SCO1: variants seen among roughly 807,000 people sequenced by gnomAD.
SCO1 encodes synthesis of cytochrome C oxidase 1, also known as cytochrome c oxidase assembly factor SCO1.
SCO1 carries 23 observed loss-of-function variants against 34.0 expected under a neutral mutation model. That is an observed-to-expected ratio of 0.68 (90% confidence interval 0.49 to 0.96). The LOEUF (loss-of-function observed/expected upper bound fraction) is 0.96, where lower values mean the gene tolerates loss of function less well. Ranked by LOEUF, SCO1 falls within the 40% of genes least tolerant of loss-of-function variation. SCO1 has a pLI of 0.00. For missense variants in SCO1, 404 were observed against 381.6 expected (o/e 1.06, Z -0.49); for synonymous variants, 161 against 145.5 (o/e 1.11, Z -0.77).
intron 1 of SCO1, among the ~76,000 whole-genome samples, chr17:10,696,338 G>A (rs944936161): frequency 6.6e-6 from 1 of 152,018 alleles, no homozygotes; most frequent in African/African-American, 2.4e-5. Flanking sequence ...CCAGCTACAC[G>A]GGAGGCTGAG....
Position 10,693,003 on chromosome 17 carries a change from A to G in SCO1, c.365-42T>C, listed in dbSNP as rs780229854. On this transcript the variant is annotated intron_variant, in intron 2 of 5. Transcript: ENST00000255390. Reference sequence around the variant, plus strand: ...CATATCGACACCAAAAAAAAAGTCAATTTAACCAGAGGTACTCAAATACCT... The same window carrying G: ...CATATCGACACCAAAAAAAAAGTCAGTTTAACCAGAGGTACTCAAATACCT... 4 of 1,574,846 alleles carry G rather than the reference A, an allele frequency of 2.5e-6. No individual in the cohort carries two copies. The Admixed American group carries it at 5.0e-5, about 20-fold the overall frequency.
chr17:10,693,104 T>TA, intron 2 of SCO1, 143 bp from the exon 3 acceptor site: 1 of 683,254 alleles, frequency 1.5e-6, no homozygotes, highest in Admixed American at 2.8e-5. Context: ...TTCAAGAAGC[T>TA]AAAAAAATCT....
rs2074649539 is a variant in SCO1 at position 10,685,373 on chromosome 17, TGATAG to T, written c.771+1349_771+1353del. On this transcript the variant is annotated intron_variant, in intron 5 of 5. Coordinates refer to ENST00000255390, the MANE Select transcript of SCO1 (RefSeq NM_004589.4). ...TAAAATACAACGCCGACTCTTCATA[TGATAG>T]GAGAAAAATGTCCAAATTGAGAGGA... is the stretch of plus-strand genomic sequence containing the variant. 2.0e-5 allele frequency among the ~76,000 whole-genome samples: 3 copies of T among 152,324 alleles called. No homozygotes were observed. The South Asian group carries it at 6.2e-4, about 32-fold the overall frequency.
chr17:10,676,492 T>C lies in SCO1; in HGVS notation c.*4627A>G, dbSNP rs922390920. Reference sequence around the variant, plus strand: ...GTGGGGGGGTGCAGACAAAATTAAATGGTGGTAATCACTGAAGCTTGCTGA... The same window carrying C: ...GTGGGGGGGTGCAGACAAAATTAAACGGTGGTAATCACTGAAGCTTGCTGA... On this transcript the variant is annotated 3_prime_UTR_variant, in exon 6 of 6. Coordinates refer to ENST00000255390, the MANE Select transcript of SCO1 (RefSeq NM_004589.4). 6.6e-5 allele frequency: 10 copies of C among 152,154 alleles called. No individual in the cohort carries two copies. The highest frequency in any genetic ancestry group is 2.2e-4 in the African/African-American group (9 of 41,424). 9.4% of individuals were successfully genotyped at this position (152,154 alleles called of 1,614,324 possible). A position where few individuals can be genotyped will look rare whatever the true frequency, so the allele number is the denominator to read the frequency against.
Position 10,675,365 on chromosome 17 carries a change from A to G in SCO1, c.*5754T>C, listed in dbSNP as rs2074573994. The G allele has an allele frequency of 1.3e-5, 2 of 152,396 alleles. No individual in the cohort carries two copies. Among genetic ancestry groups the G allele is most frequent in the Middle Eastern group, 3.4e-3 (1 of 294 alleles). 9.4% of individuals were successfully genotyped at this position (152,396 alleles called of 1,614,324 possible). On this transcript the variant is annotated 3_prime_UTR_variant, in exon 6 of 6. Coordinates refer to ENST00000255390, the MANE Select transcript of SCO1 (RefSeq NM_004589.4). ...GCTTTTATCTCTCTGCCCAAGCTAC[A>G]GCAAATTGCTGAGAGCTGTCCAATG...
intron 4 of SCO1, among the ~76,000 whole-genome samples, chr17:10,689,755 G>T (rs1271997997): frequency 6.6e-6 from 1 of 152,008 alleles, no homozygotes; most frequent in Admixed American, 6.5e-5. Context: ...AATAGCCAAG[G>T]CAATCTTAAG....
Position 10,679,170 on chromosome 17 carries a change from A to T in SCO1, c.*1949T>A, listed in dbSNP as rs1258759563. 1 of 152,076 alleles carries T rather than the reference A, an allele frequency of 6.6e-6. No homozygotes were observed. Among genetic ancestry groups the T allele is most frequent in the Non-Finnish European group, 1.5e-5 (1 of 68,056 alleles). The allele number at this position is 152,076 out of a possible 1,614,324, so 9.4% of individuals were successfully genotyped here. On this transcript the variant is annotated 3_prime_UTR_variant, in exon 6 of 6. Coordinates refer to ENST00000255390, the MANE Select transcript of SCO1 (RefSeq NM_004589.4). ...ACCATGTTGGCCAGGCTGGTCTCGA[A>T]CTCCTGACCTTAGGTGATCTGCACG...
chr17:10,680,667 G>A lies in SCO1; in HGVS notation c.*452C>T. On this transcript the variant is annotated 3_prime_UTR_variant, in exon 6 of 6. Transcript: ENST00000255390. ...TATTAGCCACCAAGAACTCAGAAGA[G>A]CAAAGAACTCAAGAAGAGGCAAGCA... The A allele has an allele frequency of 4.9e-6, 1 of 203,674 alleles. No individual in the cohort carries two copies. Among genetic ancestry groups the A allele is most frequent in the Middle Eastern group, 2.2e-3 (1 of 456 alleles). 12.6% of individuals were successfully genotyped at this position (203,674 alleles called of 1,614,324 possible). A position where few individuals can be genotyped will look rare whatever the true frequency, so the allele number is the denominator to read the frequency against.
chr17:10,681,759 G>C (rs183375540), intron 5 of SCO1, among the ~76,000 whole-genome samples: 16 of 152,298 alleles, frequency 1.1e-4, no homozygotes, highest in Non-Finnish European at 2.1e-4. Flanking sequence ...GAAAGAACTG[G>C]TTGTCATTCA....
Position 10,686,742 on chromosome 17 carries a change from T to C in SCO1, c.756A>G (p.Glu252=). 6.2e-7 allele frequency: 1 copy of C among 1,609,856 alleles called. No individual in the cohort carries two copies. Among genetic ancestry groups the C allele is most frequent in the Non-Finnish European group, 8.5e-7 (1 of 1,176,102 alleles). ...ATTTACTCACTATGTAGTCTTCATC[T>C]TCGTCCTTGGGGCCAGGGCTGTAAT... ...RVYYSPGPKD[E]DEDYIVDHTI... is the part of the protein sequence containing the mutation. Residue 252 remains glutamate, a synonymous_variant, in exon 5 of 6, where the codon GAA becomes GAG. Coordinates refer to ENST00000255390, the MANE Select transcript of SCO1 (RefSeq NM_004589.4).
rs2271229 is a variant in SCO1 at position 10,691,835 on chromosome 17, A to C, written c.655+37T>G. The C allele has an allele frequency of 2.6e-3, 3,568 of 1,376,432 alleles. 67 individuals are homozygous for C. The East Asian group carries it at 0.042, about 16-fold the overall frequency. The allele number at this position is 1,376,432 out of a possible 1,614,324, so 85.3% of individuals were successfully genotyped here. On this transcript the variant is annotated intron_variant, in intron 4 of 5. Transcript: ENST00000255390. ...ATGAACTGATATTCCAAAAACTTTAAGGCTAAATAAATGTAAAGTATTATT... is the reference window on the plus strand; with the variant it reads ...ATGAACTGATATTCCAAAAACTTTACGGCTAAATAAATGTAAAGTATTATT...
Position 10,695,780 on chromosome 17 carries a change from G to T in SCO1, c.325C>A (p.Leu109Met). 2 of 1,613,712 alleles carry T rather than the reference G, an allele frequency of 1.2e-6. No individual in the cohort carries two copies. Among genetic ancestry groups the T allele is most frequent in the Non-Finnish European group, 1.7e-6 (2 of 1,179,820 alleles). ...AITFAIGGAL[L>M]AGMKHVKKEK... is the part of the protein sequence containing the mutation. Reference sequence around the variant, plus strand: ...TTCTTGACGTGCTTCATTCCAGCCAGTAAAGCTCCTCCAATAGCAAATGTG... The same window carrying T: ...TTCTTGACGTGCTTCATTCCAGCCATTAAAGCTCCTCCAATAGCAAATGTG... Residue 109 changes from leucine to methionine, a missense_variant, in exon 2 of 6, where the codon CTG becomes ATG. Coordinates refer to ENST00000255390, the MANE Select transcript of SCO1 (RefSeq NM_004589.4).
At chr17:10,693,847 C>A (rs2151457532) in intron 2 of SCO1, among the ~76,000 whole-genome samples, 1 of 152,254 alleles carries the variant, frequency 6.6e-6, no homozygotes. Flanking sequence ...CAATCTGGGA[C>A]AACTTGGGCA....
intron 1 of SCO1, 23 bp from the exon 2 acceptor site, chr17:10,695,854 CAT>C (rs781727205): frequency 6.4e-7 from 1 of 1,560,708 alleles, no homozygotes; most frequent in Non-Finnish European, 8.8e-7. Context: ...GGATTTCAAA[CAT>C]AAAAATTCTA....
At position 10,695,722 on chromosome 17, in the gene SCO1, CA is replaced by C. The variant is rs778387382; in HGVS notation, c.364+18del. ...AGGAAGACCTTTATACAGGGCTGAGCAGATGATAATCTACTTACTCTCTGCC... is the reference window on the plus strand; with the variant it reads ...AGGAAGACCTTTATACAGGGCTGAGCGATGATAATCTACTTACTCTCTGCC... On this transcript the variant is annotated intron_variant, in intron 2 of 5. Transcript: ENST00000255390. 1.3e-6 allele frequency: 2 copies of C among 1,536,580 alleles called. No individual in the cohort carries two copies. Among genetic ancestry groups the C allele is most frequent in the Middle Eastern group, 1.7e-4 (1 of 5,900 alleles).
intron 4 of SCO1, among the ~76,000 whole-genome samples, chr17:10,687,325 A>T (rs190335338): frequency 1.7e-4 from 26 of 151,532 alleles, no homozygotes; most frequent in African/African-American, 6.1e-4. Flanking sequence ...CTTCTGATTT[A>T]AAAAAACTGG....
At chr17:10,692,365 A>G (rs536961116) in intron 3 of SCO1, among the ~76,000 whole-genome samples, 1 of 152,332 alleles carries the variant, frequency 6.6e-6, no homozygotes, top group Admixed American at 6.5e-5. Context: ...ATATCCTGAA[A>G]TAATTCACTG....
rs1490223476 is a variant in SCO1 at position 10,678,260 on chromosome 17, AG to A, written c.*2858del. The A allele has an allele frequency of 1.3e-5, 2 of 152,260 alleles. No homozygotes were observed. Among genetic ancestry groups the A allele is most frequent in the Non-Finnish European group, 2.9e-5 (2 of 68,056 alleles). The allele number at this position is 152,260 out of a possible 1,614,324, so 9.4% of individuals were successfully genotyped here. On this transcript the variant is annotated 3_prime_UTR_variant, in exon 6 of 6. Transcript: ENST00000255390. The stretch of plus-strand genomic sequence containing the variant: ...AGCGCACGATAGCAGCAGAACAAAC[AG>A]GAACCTACCTAGAAATTGGGACCCG...
Position 10,686,616 on chromosome 17 carries a change from C to T in SCO1, c.771+111G>A, listed in dbSNP as rs547443503. The T allele has an allele frequency of 4.7e-5, 37 of 780,332 alleles. No homozygotes were observed. In the African/African-American group the frequency reaches 6.4e-4, roughly 13 times the overall value. 48.3% of individuals were successfully genotyped at this position (780,332 alleles called of 1,614,324 possible). ...AAAAAAAAAATTCCTAAGGACTTTG[C>T]AATAATCTTAGGTATTCTCTCTTCT... On this transcript the variant is annotated intron_variant, in intron 5 of 5. Transcript: ENST00000255390.
Sources: allele counts gnomAD v4.1 joint callset (sites outside exome capture counted in the v4.1 genomes callset), GRCh38; gene constraint gnomAD v4.1.1; transcripts MANE v1.5; gene names NCBI Gene and HGNC (gene_info 2026-07-23, HGNC 2026-07-21).